The following AFF1 variants were observed in gnomAD, a reference collection of about 807,000 sequenced individuals.
The protein encoded by AFF1 is ALF transcription elongation factor 1, also known as AF4/FMR2 family member 1.
AFF1 carries 48 observed loss-of-function variants against 121.7 expected under a neutral mutation model. That is an observed-to-expected ratio of 0.39 (90% CI 0.31 to 0.50). The LOEUF (loss-of-function observed/expected upper bound fraction) is 0.50. Ranked by LOEUF, AFF1 falls within the 20% of genes least tolerant of loss-of-function variation. AFF1 has a pLI of 0.76. For missense variants in AFF1, 1,523 were observed against 1,511.7 expected (o/e 1.01, Z -0.12); for synonymous variants, 613 against 563.0 (o/e 1.09, Z -1.26).
At chr4:86,952,809 TA>T (rs1400503393) in intron 2 of AFF1, among the ~76,000 whole-genome samples, 2 of 151,224 alleles carry the variant, frequency 1.3e-5, no homozygotes, top group Non-Finnish European at 2.9e-5. Context: ...GCCTCCTGAG[TA>T]GCTGGCACTA....
chr4:86,961,580 G>T (rs1319614963), intron 2 of AFF1, among the ~76,000 whole-genome samples: 1 of 151,242 alleles, frequency 6.6e-6, no homozygotes, highest in African/African-American at 2.4e-5. Flanking sequence ...TAGTGGGGGT[G>T]TGGGAAGGGG....
rs529559625 is a variant in AFF1 at position 87,004,747 on chromosome 4, T to C, written c.39-41419T>C. ...ATTTGGGATGCCCAACCCAAACAGA[T>C]TGAATCTGATTCTCTATTCAATTTG... On this transcript the variant is annotated intron_variant, in intron 2 of 20. Coordinates refer to ENST00000395146, the MANE Select transcript of AFF1 (RefSeq NM_001166693.3). Among the ~76,000 whole-genome samples, 68 of 152,346 alleles carry C rather than the reference T, an allele frequency of 4.5e-4. 1 individual carries two copies. In the South Asian group the frequency reaches 0.014, roughly 32 times the overall value.
chr4:86,985,199 AT>A (rs1724132671), intron 2 of AFF1, among the ~76,000 whole-genome samples: 4 of 133,498 alleles, frequency 3.0e-5, no homozygotes, highest in Non-Finnish European at 4.6e-5. Context: ...ATATATATAT[AT>A]ATATATATAT....
chr4:87,093,531 T>C (rs1284115143), intron 7 of AFF1, among the ~76,000 whole-genome samples: 2 of 152,158 alleles, frequency 1.3e-5, no homozygotes, highest in African/African-American at 4.8e-5. Flanking sequence ...GGGATTTTAC[T>C]TGGATGCCCT....
At chr4:87,091,107 T>A (rs182868889) in intron 6 of AFF1, among the ~76,000 whole-genome samples, 6 of 151,500 alleles carry the variant, frequency 4.0e-5, no homozygotes, top group Admixed American at 3.9e-4. Flanking sequence ...TAATAATTTT[T>A]AAAATGTAAC....
intron 2 of AFF1, among the ~76,000 whole-genome samples, chr4:87,038,233 G>A (rs17012279): frequency 0.039 from 5,941 of 152,266 alleles, 198 homozygotes; most frequent in African/African-American, 0.093. Flanking sequence ...TATTGAGAGT[G>A]AAAACCCTGG....
chr4:87,101,989 C>G (rs939686091), intron 8 of AFF1, among the ~76,000 whole-genome samples: 2 of 152,234 alleles, frequency 1.3e-5, no homozygotes, highest in Admixed American at 1.3e-4. Context: ...TGTCTTCACA[C>G]AGTAGCAATC....
At chr4:86,956,529 C>G (rs1379079342) in intron 2 of AFF1, among the ~76,000 whole-genome samples, 1 of 152,150 alleles carries the variant, frequency 6.6e-6, no homozygotes, top group African/African-American at 2.4e-5. Flanking sequence ...GTTGTGCAAC[C>G]ATTACTACAA....
chr4:87,007,146 C>G (rs1726218943), intron 2 of AFF1: 1 of 1,284,638 alleles, frequency 7.8e-7, no homozygotes, highest in Non-Finnish European at 9.8e-7. Flanking sequence ...CGGCGCTCCC[C>G]GGGCTCGTCT....
chr4:87,127,757 A>G, intron 16 of AFF1, 54 bp downstream of exon 16: 1 of 1,584,420 alleles, frequency 6.3e-7, no homozygotes, highest in East Asian at 2.2e-5. Flanking sequence ...AGTAAAAAAA[A>G]TTTTTGGTAG....
intron 6 of AFF1, 57 bp from the exon 7 acceptor site, chr4:87,091,736 C>G: frequency 1.7e-6 from 2 of 1,199,770 alleles, no homozygotes; most frequent in Non-Finnish European, 1.2e-6. Flanking sequence ...ACGGTTTTCT[C>G]TTTAACTTTA....
chr4:87,101,172 C>G (rs1028879827), intron 8 of AFF1, among the ~76,000 whole-genome samples: 1 of 152,158 alleles, frequency 6.6e-6, no homozygotes, highest in Non-Finnish European at 1.5e-5. Context: ...TTCATCTCTT[C>G]TTCGTTTAGC....
chr4:87,070,891 G>A (rs1162109226), intron 4 of AFF1, among the ~76,000 whole-genome samples: 1 of 152,220 alleles, frequency 6.6e-6, no homozygotes, highest in African/African-American at 2.4e-5. Flanking sequence ...AGGCGAGGAC[G>A]ATAGTGTTTC....
At chr4:87,126,916 T>C in intron 14 of AFF1, 110 bp from the exon 15 acceptor site, 1 of 913,204 alleles carries the variant, frequency 1.1e-6, no homozygotes, top group Admixed American at 2.0e-5. Context: ...CATTGTTTGA[T>C]TTACTCTTTT....
intron 12 of AFF1, among the ~76,000 whole-genome samples, chr4:87,123,360 CT>C (rs1727910051): frequency 2.0e-5 from 3 of 152,178 alleles, no homozygotes; most frequent in South Asian, 4.1e-4. Flanking sequence ...AGTTCAGGTG[CT>C]CCCTAGATGT....
chr4:87,124,881 C>T (rs1042971361), intron 12 of AFF1, among the ~76,000 whole-genome samples, 156 bp from the exon 13 acceptor site: 2 of 152,212 alleles, frequency 1.3e-5, no homozygotes, highest in African/African-American at 4.8e-5. Flanking sequence ...CACACTCACA[C>T]ACAGACACAC....
At chr4:86,942,924 T>C (rs1234936283) in intron 1 of AFF1, among the ~76,000 whole-genome samples, 1 of 152,146 alleles carries the variant, frequency 6.6e-6, no homozygotes, top group East Asian at 1.9e-4. Context: ...AACATAAACT[T>C]CTATTAATTT....
intron 2 of AFF1, among the ~76,000 whole-genome samples, chr4:86,965,022 G>A (rs1722436836): frequency 6.6e-6 from 1 of 152,164 alleles, no homozygotes; most frequent in African/African-American, 2.4e-5. Context: ...ATAGAGAGAT[G>A]GAGGAGTGCT....
At chr4:87,131,330 A>G in intron 17 of AFF1, 111 bp downstream of exon 17, 5 of 1,402,142 alleles carry the variant, frequency 3.6e-6, no homozygotes, top group Non-Finnish European at 3.9e-6. Context: ...GGGGAGCCTT[A>G]AAAAAGTTAT....
Sources: allele counts gnomAD v4.1 joint callset (sites outside exome capture counted in the v4.1 genomes callset), GRCh38; gene constraint gnomAD v4.1.1; transcripts MANE v1.5; gene names NCBI Gene and HGNC (gene_info 2026-07-23, HGNC 2026-07-21).